AP1B1: variants seen among roughly 807,000 people sequenced by gnomAD.
AP1B1 encodes adaptor related protein complex 1 subunit beta 1, also known as AP-1 complex subunit beta-1.
AP1B1 carries 36 observed loss-of-function variants against 104.3 expected under a neutral mutation model. The ratio of observed to expected loss-of-function variants is 0.35; its 90% CI spans 0.26 to 0.46. AP1B1 has a LOEUF of 0.46. AP1B1 is among the 20% of genes least tolerant of loss of function. The pLI is 1.00. For synonymous variants in AP1B1, 504 were observed against 517.5 expected, an observed-to-expected ratio of 0.97 and a Z score of 0.35; for missense variants, 901 against 1,247.9, an observed-to-expected ratio of 0.72 and a Z score of 4.19.
intron 11 of AP1B1, among the ~76,000 whole-genome samples, chr22:29,348,133 C>A (rs57184279): frequency 3.3e-5 from 5 of 152,180 alleles, no homozygotes; most frequent in African/African-American, 4.8e-5. Context: ...TTGAGCAATC[C>A]ATGTTTGTGA....
chr22:29,362,205 G>A (rs2062059309), intron 3 of AP1B1, among the ~76,000 whole-genome samples: 1 of 152,226 alleles, frequency 6.6e-6, no homozygotes, highest in South Asian at 2.1e-4. Flanking sequence ...TAGCCATCAG[G>A]TGCGACAGAG....
Position 29,354,652 on chromosome 22 carries a change from T to C in AP1B1, c.936A>G (p.Lys312=). 1 of 1,614,026 alleles carries C rather than the reference T, an allele frequency of 6.2e-7. No homozygotes were observed. ...CGTGCGTGTGGTGACCTCAGTACCT[T>C]TTCTGCACGATGAGATTGATGTTGC... ...ALRNINLIVQ[K]RPEILKHEMK... The change falls in exon 7 of 23, where the codon AAA becomes AAG. Residue 312 remains lysine (K), a splice_region_variant and synonymous_variant. Coordinates refer to ENST00000357586, the MANE Select transcript of AP1B1 (RefSeq NM_001127.4).
chr22:29,366,913 G>A (rs561374542), intron 2 of AP1B1, among the ~76,000 whole-genome samples: 1 of 150,802 alleles, frequency 6.6e-6, no homozygotes, highest in African/African-American at 2.4e-5. Flanking sequence ...AGGATTCTGT[G>A]TTTTCTTTCC....
intron 10 of AP1B1, 60 bp from the exon 11 acceptor site, chr22:29,349,443 A>G: frequency 6.3e-7 from 1 of 1,587,068 alleles, no homozygotes; most frequent in Non-Finnish European, 8.6e-7. Flanking sequence ...AACCCAGGGA[A>G]GCCAGACAGG....
At chr22:29,329,318 T>G in intron 22 of AP1B1, 1 of 1,162,654 alleles carries the variant, frequency 8.6e-7, no homozygotes, top group Non-Finnish European at 1.1e-6. Flanking sequence ...CTGGGCTCAT[T>G]CCTGGTTTCC....
At chr22:29,330,057 C>T (rs1408599255) in intron 21 of AP1B1, 3 of 1,408,716 alleles carry the variant, frequency 2.1e-6, no homozygotes, top group Admixed American at 3.0e-5. Context: ...CAGGCACTCA[C>T]AGGACAGGGC....
At chr22:29,340,996 C>T in intron 13 of AP1B1, 139 bp from the exon 14 acceptor site, 1 of 806,122 alleles carries the variant, frequency 1.2e-6, no homozygotes, top group Non-Finnish European at 1.9e-6. Flanking sequence ...CCACACGGCC[C>T]CACTTCTTCC....
intron 1 of AP1B1, among the ~76,000 whole-genome samples, chr22:29,380,416 G>A (rs1303946271): frequency 2.0e-4 from 5 of 25,208 alleles, no homozygotes; most frequent in South Asian, 1.0e-3. Flanking sequence ...AGAACCCCCG[G>A]GCACACATGT....
At chr22:29,384,826 C>T (rs2062496076) in intron 1 of AP1B1, among the ~76,000 whole-genome samples, 2 of 152,066 alleles carry the variant, frequency 1.3e-5, no homozygotes, top group Non-Finnish European at 2.9e-5. Flanking sequence ...CAAGATCGCG[C>T]CACTGCACTC....
At chr22:29,344,280 T>C (rs1345978473) in intron 11 of AP1B1, among the ~76,000 whole-genome samples, 1 of 152,132 alleles carries the variant, frequency 6.6e-6, no homozygotes, top group Non-Finnish European at 1.5e-5. Flanking sequence ...AGATCTGCTG[T>C]GGTTCCAGTC....
At chr22:29,353,026 C>T (rs1317436534) in intron 7 of AP1B1, among the ~76,000 whole-genome samples, 1 of 152,184 alleles carries the variant, frequency 6.6e-6, no homozygotes, top group African/African-American at 2.4e-5. Flanking sequence ...GCGAGTATCA[C>T]CCACCACATT....
chr22:29,367,151 C>T (rs1290577530), intron 2 of AP1B1, 56 bp downstream of exon 2: 3 of 1,560,424 alleles, frequency 1.9e-6, no homozygotes, highest in Non-Finnish European at 2.7e-6. Context: ...AGGAGGAAAA[C>T]AGAAGGGACA....
At chr22:29,336,213 A>G (rs2061635873) in intron 16 of AP1B1, among the ~76,000 whole-genome samples, 1 of 152,192 alleles carries the variant, frequency 6.6e-6, no homozygotes. Context: ...CTGTAACCCC[A>G]CAAGCAGGGT....
chr22:29,334,437 C>G (rs572095399), intron 16 of AP1B1, 27 bp from the exon 17 acceptor site: 3 of 1,578,622 alleles, frequency 1.9e-6, no homozygotes, highest in East Asian at 4.6e-5. Flanking sequence ...GCGGAGGGGG[C>G]GGGTAGGTGC....
At chr22:29,354,960 G>A in intron 6 of AP1B1, 89 bp from the exon 7 acceptor site, 1 of 1,212,602 alleles carries the variant, frequency 8.2e-7, no homozygotes, top group Non-Finnish European at 1.2e-6. Flanking sequence ...TCCAGGCCAG[G>A]CGTGATAGTT....
At chr22:29,376,508 TG>T (rs1395381500) in intron 1 of AP1B1, among the ~76,000 whole-genome samples, 3 of 152,230 alleles carry the variant, frequency 2.0e-5, no homozygotes, top group African/African-American at 7.2e-5. Flanking sequence ...CAGGGAAAAC[TG>T]ATCTCTGAAG....
At chr22:29,342,882 T>A (rs890378319) in intron 11 of AP1B1, among the ~76,000 whole-genome samples, 13 of 152,214 alleles carry the variant, frequency 8.5e-5, no homozygotes, top group African/African-American at 3.1e-4. Context: ...CCCTGCCACA[T>A]GCCTGGACAT....
chr22:29,378,582 G>A (rs1192912964), intron 1 of AP1B1, among the ~76,000 whole-genome samples: 11 of 146,390 alleles, frequency 7.5e-5, no homozygotes, highest in Admixed American at 4.1e-4. Flanking sequence ...AAAAAAGGCC[G>A]GGCGCAGTGG....
At chr22:29,374,225 A>G (rs984119039) in intron 1 of AP1B1, among the ~76,000 whole-genome samples, 1 of 152,006 alleles carries the variant, frequency 6.6e-6, no homozygotes, top group East Asian at 1.9e-4. Flanking sequence ...TTTTTAAAAA[A>G]ATAACAAAAT....
Sources: gnomAD v4.1 joint callset for allele counts (sites outside exome capture counted in the v4.1 genomes callset) on GRCh38, gnomAD v4.1.1 for gene constraint, MANE v1.5 for transcripts, NCBI Gene and HGNC (gene_info 2026-07-23, HGNC 2026-07-21) for gene names.